The following PRDM6 variants were observed in gnomAD, a reference collection of about 807,000 sequenced individuals.
PRDM6 encodes putative histone-lysine N-methyltransferase PRDM6.
Under a neutral mutation model 60.8 loss-of-function variants are expected in PRDM6, and 25 were observed. That is an observed-to-expected ratio of 0.41 (90% CI 0.30 to 0.57). The LOEUF (loss-of-function observed/expected upper bound fraction) is 0.57. PRDM6 is among the 20% of genes least tolerant of loss of function. The pLI, the probability that PRDM6 is intolerant of heterozygous loss-of-function variation, is 0.27. For missense variants in PRDM6, 839 were observed against 821.3 expected (o/e 1.02, Z -0.26); for synonymous variants, 407 against 357.4 (o/e 1.14, Z -1.57).
At position 123,099,763 on chromosome 5, in the gene PRDM6, G is replaced by A. The variant is rs1764054752; in HGVS notation, c.702G>A (p.Pro234=). ...GTSSAAAAAP[P]PELPEWLRDL... Reference sequence around the variant, plus strand: ...GCAGCGCTGCGGCCGCCGCGCCCCCGCCGGAGCTGCCGGAGTGGCTGCGGG... The same window carrying A: ...GCAGCGCTGCGGCCGCCGCGCCCCCACCGGAGCTGCCGGAGTGGCTGCGGG... Residue 234 remains proline, a synonymous_variant, in exon 3 of 8, where the codon CCG becomes CCA. Transcript: ENST00000407847. The surrounding 1 kb of genome is among the most constrained non-coding windows in gnomAD (Gnocchi z 4.0). 1 of 1,547,002 alleles carries A rather than the reference G, an allele frequency of 6.5e-7. No homozygotes were observed. Among genetic ancestry groups the A allele is most frequent in the Non-Finnish European group, 8.7e-7 (1 of 1,145,254 alleles).
In PRDM6 at chr5:123,090,454, C is replaced by T; in HGVS notation, c.440C>T (p.Pro147Leu). 6.8e-7 allele frequency: 1 copy of T among 1,466,970 alleles called. No homozygotes were observed. The highest frequency in any genetic ancestry group is 8.9e-7 in the Non-Finnish European group (1 of 1,118,482). 90.9% of individuals were successfully genotyped at this position (1,466,970 alleles called of 1,614,324 possible). A position where few individuals can be genotyped will look rare whatever the true frequency, so the allele number is the denominator to read the frequency against. Reference sequence around the variant, plus strand: ...CTCGGCGCCACCTCCGGCCCCGGGCCCGTCAAGTGCGGTGGTGGTGGCGGC... The same window carrying T: ...CTCGGCGCCACCTCCGGCCCCGGGCTCGTCAAGTGCGGTGGTGGTGGCGGC... ...LCLGATSGPG[P>L]VKCGGGGGGG... is the part of the protein sequence containing the mutation. Residue 147 changes from proline to leucine, a missense_variant, in exon 2 of 8, where the codon CCC (proline) becomes CTC (leucine). Pro to Leu is a moderately conservative substitution (Grantham distance 98). This residue lies in a region of PRDM6 where 730 missense variants were observed against 648.8 expected (regional missense o/e 1.13). Transcript: ENST00000407847.
chr5:123,161,786 A>T (rs911799475), intron 5 of PRDM6, among the ~76,000 whole-genome samples: 1 of 152,206 alleles, frequency 6.6e-6, no homozygotes, highest in Non-Finnish European at 1.5e-5. Context: ...TGAGCTAGGC[A>T]AAGGGAGCTG....
In PRDM6 at chr5:123,188,011, A is replaced by C. The variant is rs1390440610; in HGVS notation, c.*810A>C. 6.6e-6 allele frequency: 1 copy of C among 152,190 alleles called. No homozygotes were observed. Among genetic ancestry groups the C allele is most frequent in the South Asian group, 2.1e-4 (1 of 4,828 alleles). 9.4% of individuals were successfully genotyped at this position (152,190 alleles called of 1,614,324 possible). Reference sequence around the variant, plus strand: ...CAATAACATTTTAGCTTAAAAAAAAAAAAAGAAAATGAAAATAAAGTTCTT... The same window carrying C: ...CAATAACATTTTAGCTTAAAAAAAACAAAAGAAAATGAAAATAAAGTTCTT... On this transcript the variant is annotated 3_prime_UTR_variant, in exon 8 of 8. Coordinates refer to ENST00000407847, the MANE Select transcript of PRDM6 (RefSeq NM_001136239.4).
chr5:123,170,756 A>G lies in PRDM6; in HGVS notation c.1154-10A>G, dbSNP rs1765869017. 12 of 1,528,836 alleles carry G rather than the reference A, an allele frequency of 7.8e-6. No individual in the cohort carries two copies. Among genetic ancestry groups the G allele is most frequent in the African/African-American group, 5.5e-5 (4 of 72,354 alleles). The allele number at this position is 1,528,836 out of a possible 1,614,324, so 94.7% of individuals were successfully genotyped here. ...AAAACTGTTCTTCTAAACTGTTGCT[A>G]TTCTCCTAGTAAATGTCCCTTCAAC... On this transcript the variant is annotated splice_polypyrimidine_tract_variant and intron_variant, in intron 5 of 7. Coordinates refer to ENST00000407847, the MANE Select transcript of PRDM6 (RefSeq NM_001136239.4).
At position 123,155,677 on chromosome 5, in the gene PRDM6, G is replaced by T. The variant is rs571922114; in HGVS notation, c.901-207G>T. Among the ~76,000 whole-genome samples, 4 of 152,278 alleles carry T rather than the reference G, an allele frequency of 2.6e-5. No individual in the cohort carries two copies. The South Asian group carries it at 8.3e-4, about 32-fold the overall frequency. On this transcript the variant is annotated intron_variant, in intron 3 of 7. Coordinates refer to ENST00000407847, the MANE Select transcript of PRDM6 (RefSeq NM_001136239.4). ...AAATATGTTTAATACAGAGAAGATTGGCTTGATAAGAAAAACATGATCGAC... is the reference window on the plus strand; with the variant it reads ...AAATATGTTTAATACAGAGAAGATTTGCTTGATAAGAAAAACATGATCGAC...
intron 5 of PRDM6, among the ~76,000 whole-genome samples, chr5:123,165,982 G>A (rs1027787963): frequency 6.6e-6 from 1 of 152,098 alleles, no homozygotes; most frequent in African/African-American, 2.4e-5. Context: ...GGCCCATATA[G>A]CATTTTACAA....
intron 3 of PRDM6, among the ~76,000 whole-genome samples, chr5:123,115,755 A>G: frequency 6.6e-6 from 1 of 152,156 alleles, no homozygotes; most frequent in East Asian, 1.9e-4. Context: ...CCATACTCTT[A>G]ATATGATTGA....
At chr5:123,168,030 T>C (rs765138476) in intron 5 of PRDM6, among the ~76,000 whole-genome samples, 1 of 152,230 alleles carries the variant, frequency 6.6e-6, no homozygotes, top group Non-Finnish European at 1.5e-5. Flanking sequence ...GCTGTTTTTA[T>C]GTTTTATTTA....
At chr5:123,126,508 T>C (rs1764698850) in intron 3 of PRDM6, among the ~76,000 whole-genome samples, 1 of 152,138 alleles carries the variant, frequency 6.6e-6, no homozygotes. Context: ...TGGGCTCAGC[T>C]AATTAGTTAT....
intron 2 of PRDM6, among the ~76,000 whole-genome samples, chr5:123,096,660 C>T (rs1029834171): frequency 9.9e-5 from 15 of 152,176 alleles, no homozygotes; most frequent in African/African-American, 2.4e-5. Context: ...TTTGTCTAGC[C>T]TGCTGTGGAC....
chr5:123,183,993 T>C (rs1178707078), intron 7 of PRDM6, among the ~76,000 whole-genome samples: 1 of 152,138 alleles, frequency 6.6e-6, no homozygotes, highest in Non-Finnish European at 1.5e-5. Context: ...CTATGTTCTT[T>C]CATCAAGAAA....
At chr5:123,122,583 C>T (rs1764604802) in intron 3 of PRDM6, among the ~76,000 whole-genome samples, 1 of 152,082 alleles carries the variant, frequency 6.6e-6, no homozygotes, top group Non-Finnish European at 1.5e-5. Context: ...CTACTTAAAT[C>T]CCTCAATGTG....
In PRDM6 at chr5:123,136,860, A is replaced by AGT. The variant is rs546685208; in HGVS notation, c.901-19024_901-19023insGT. Among the ~76,000 whole-genome samples the AGT allele has an allele frequency of 3.9e-4, 27 of 69,324 alleles. No individual in the cohort carries two copies. In the East Asian group the frequency reaches 8.4e-3, roughly 22 times the overall value. 45.5% of individuals were successfully genotyped at this position (69,324 alleles called of 152,430 possible). On this transcript the variant is annotated intron_variant, in intron 3 of 7. Coordinates refer to ENST00000407847, the MANE Select transcript of PRDM6 (RefSeq NM_001136239.4). ...CCTCACTTCCCAGAGTCTGGCTGGC[A>AGT]ATGTGCATGGGAACCTTAGCAGCTG...
chr5:123,099,283 A>G lies in PRDM6; in HGVS notation c.593-371A>G, dbSNP rs759284046. On this transcript the variant is annotated intron_variant, in intron 2 of 7. Coordinates refer to ENST00000407847, the MANE Select transcript of PRDM6 (RefSeq NM_001136239.4). This position sits in a 1 kb window ranked among gnomAD's most constrained non-coding sequence, Gnocchi z 4.0. ...CAGAAGGAACGAGAGACAGTAGGGA[A>G]GAGAGAGAGAGAGACAGAGACAGAG... Among the ~76,000 whole-genome samples the G allele has an allele frequency of 4.7e-5, 7 of 150,430 alleles. No homozygotes were observed. The highest frequency in any genetic ancestry group is 2.1e-4 in the South Asian group (1 of 4,804).
chr5:123,140,144 T>A (rs1765064188), intron 3 of PRDM6, among the ~76,000 whole-genome samples: 1 of 151,940 alleles, frequency 6.6e-6, no homozygotes, highest in African/African-American at 2.4e-5. Context: ...CCGCGGCTTA[T>A]GAAAAAAATG....
rs183454174 is a variant in PRDM6, at chr5:123,128,857, A to G, written c.901-27027A>G. ...GTCCTTGCCCATGCCTATGTCCTGA[A>G]TGGTATTGGCTAGGTTTTCTTGTAG... On this transcript the variant is annotated intron_variant, in intron 3 of 7. Coordinates refer to ENST00000407847, the MANE Select transcript of PRDM6 (RefSeq NM_001136239.4). Among the ~76,000 whole-genome samples, 12 of 152,292 alleles carry G rather than the reference A, an allele frequency of 7.9e-5. No individual in the cohort carries two copies. In the East Asian group the frequency reaches 1.9e-3, roughly 24 times the overall value.
In PRDM6 at chr5:123,189,345, T is replaced by C. The variant is rs2126897249; in HGVS notation, c.*2144T>C. The C allele has an allele frequency of 6.6e-6, 1 of 152,302 alleles. No homozygotes were observed. The highest frequency in any genetic ancestry group is 2.4e-5 in the African/African-American group (1 of 41,552). The allele number at this position is 152,302 out of a possible 1,614,324, so 9.4% of individuals were successfully genotyped here. A position where few individuals can be genotyped will look rare whatever the true frequency, so the allele number is the denominator to read the frequency against. On this transcript the variant is annotated 3_prime_UTR_variant, in exon 8 of 8. Coordinates refer to ENST00000407847, the MANE Select transcript of PRDM6 (RefSeq NM_001136239.4). The stretch of plus-strand genomic sequence containing the variant: ...CAGTAGGGAATCACCTGTATATTTC[T>C]AATTTTTTTTTTCATTTGAAAAATC...
intron 3 of PRDM6, among the ~76,000 whole-genome samples, chr5:123,130,419 G>A (rs879764439): frequency 6.8e-6 from 1 of 147,194 alleles, no homozygotes; most frequent in South Asian, 2.2e-4. Context: ...GCCCTGAAAG[G>A]TTATCTTAAA....
intron 7 of PRDM6, among the ~76,000 whole-genome samples, chr5:123,180,587 A>G (rs1274050794): frequency 6.6e-6 from 1 of 152,252 alleles, no homozygotes; most frequent in African/African-American, 2.4e-5. Context: ...TCATTAAAAT[A>G]AAGAGGTAGG....
Sources: gnomAD v4.1 joint callset for allele counts (sites outside exome capture counted in the v4.1 genomes callset) on GRCh38, gnomAD v4.1.1 for gene constraint, gnomAD v4.1.1 regional missense constraint, Gnocchi (gnomAD v3.1) non-coding constraint, MANE v1.5 for transcripts, NCBI Gene and HGNC (gene_info 2026-07-23, HGNC 2026-07-21) for gene names.